IBTK: variants seen among roughly 807,000 people sequenced by gnomAD.
IBTK encodes the protein inhibitor of Bruton tyrosine kinase.
IBTK carries 83 observed loss-of-function variants against 154.9 expected under a neutral mutation model. The ratio of observed to expected loss-of-function variants is 0.54; its 90% CI spans 0.45 to 0.64. The LOEUF (loss-of-function observed/expected upper bound fraction) is 0.64, where lower values mean the gene tolerates loss of function less well. IBTK is among the 30% of genes least tolerant of loss of function. The pLI is 0.00. For missense variants in IBTK, 1,332 were observed against 1,584.6 expected (o/e 0.84, Z 2.71); for synonymous variants, 515 against 536.1 (o/e 0.96, Z 0.54).
At chr6:82,240,118 A>C (rs1286701128) in intron 2 of IBTK, 48 bp downstream of exon 2, 2 of 1,491,184 alleles carry the variant, frequency 1.3e-6, no homozygotes, top group Admixed American at 4.0e-5. Context: ...TGATTAAGAA[A>C]AACATATTCC....
Position 82,171,465 on chromosome 6 carries a change from C to T in IBTK, c.4022G>A (p.Gly1341Glu), listed in dbSNP as rs745641913. The change falls in exon 29 of 29, where the codon GGA becomes GAA. Residue 1341 changes from glycine to glutamate, a missense_variant. Physicochemically the swap from Gly to Glu is moderately conservative, Grantham distance 98. This residue lies in a region of IBTK where 1,134 missense variants were observed against 1,274.7 expected (regional missense o/e 0.89). Coordinates refer to ENST00000306270, the MANE Select transcript of IBTK (RefSeq NM_015525.4). ...EFVIVERTPQ[G>E]PLAVPMWNKH... ...ATTCCACATAGGTACTGCCAGTGGTCCCTGCGGTGTCCTTTCAACAATGAC... is the reference window on the plus strand; with the variant it reads ...ATTCCACATAGGTACTGCCAGTGGTTCCTGCGGTGTCCTTTCAACAATGAC... 1 of 1,613,328 alleles carries T rather than the reference C, an allele frequency of 6.2e-7. No individual in the cohort carries two copies. Among genetic ancestry groups the T allele is most frequent in the South Asian group, 1.1e-5 (1 of 91,036 alleles).
rs113668861 is a variant in IBTK at position 82,195,745 on chromosome 6, A to T, written c.3174+553T>A. ...ATTCAGTTACACATTTTTCTCTAAT[A>T]GGTTAACAGCTATGGAATCAAATGT... On this transcript the variant is annotated intron_variant, in intron 22 of 28. Coordinates refer to ENST00000306270, the MANE Select transcript of IBTK (RefSeq NM_015525.4). Among the ~76,000 whole-genome samples, 833 of 152,300 alleles carry T rather than the reference A, an allele frequency of 5.5e-3. 9 individuals carry two copies. The highest frequency in any genetic ancestry group is 0.019 in the African/African-American group (798 of 41,568).
chr6:82,225,498 G>A lies in IBTK; in HGVS notation c.804C>T (p.Ser268=), dbSNP rs1055383386. 9 of 1,612,674 alleles carry A rather than the reference G, an allele frequency of 5.6e-6. No individual in the cohort carries two copies. The highest frequency in any genetic ancestry group is 6.8e-6 in the Non-Finnish European group (8 of 1,179,382). ...TTACCTGTCTGGGTACATTACAACT[G>A]GAAGGCGGTGGAATAATTCCTAATT... ...FHQLGIIPPP[S]SCNVPRQIQA... The change falls in exon 6 of 29, where the codon TCC becomes TCT. Residue 268 remains serine, a synonymous_variant. Transcript: ENST00000306270.
rs765425757 is a variant in IBTK at position 82,196,323 on chromosome 6, G to C, written c.3149C>G (p.Thr1050Arg). ...CTCAATCTTATCTGAATGAAATCCT[G>C]TTGTGAAATCAGGGGACTGTAAATC... is the stretch of plus-strand genomic sequence containing the variant. ...PRDLQSPDFT[T>R]GFHSDKIEAK... The change falls in exon 22 of 29, where the codon ACA becomes AGA. Residue 1050 changes from threonine to arginine, a missense_variant. Physicochemically the swap from Thr to Arg is moderately conservative, Grantham distance 71. Coordinates refer to ENST00000306270, the MANE Select transcript of IBTK (RefSeq NM_015525.4). 6.2e-7 allele frequency: 1 copy of C among 1,606,428 alleles called. No homozygotes were observed. Among genetic ancestry groups the C allele is most frequent in the Non-Finnish European group, 8.5e-7 (1 of 1,176,822 alleles).
chr6:82,227,507 T>C (rs953790616), intron 4 of IBTK, among the ~76,000 whole-genome samples: 10 of 152,082 alleles, frequency 6.6e-5, no homozygotes, highest in Non-Finnish European at 7.4e-5. Context: ...TCTAAAAACA[T>C]TGACACGAAA....
chr6:82,192,009 G>A, intron 23 of IBTK, 130 bp from the exon 24 acceptor site: 1 of 567,352 alleles, frequency 1.8e-6, no homozygotes, highest in East Asian at 2.9e-5. Context: ...TCAGCTGTGA[G>A]CCAGTTTCAT....
chr6:82,223,581 G>A lies in IBTK; in HGVS notation c.983C>T (p.Ala328Val), dbSNP rs1385234215. The A allele has an allele frequency of 1.2e-6, 2 of 1,613,640 alleles. No homozygotes were observed. The highest frequency in any genetic ancestry group is 1.3e-5 in the African/African-American group (1 of 74,898). Residue 328 changes from alanine to valine, a missense_variant, in exon 8 of 29, where the codon GCT becomes GTT. Physicochemically the swap from Ala to Val is moderately conservative, Grantham distance 64. This residue lies in a region of IBTK where 1,134 missense variants were observed against 1,274.7 expected (regional missense o/e 0.89). Coordinates refer to ENST00000306270, the MANE Select transcript of IBTK (RefSeq NM_015525.4). Reference protein sequence around the residue: ...LDPNGEKCVTAPRQVSALHHK... With the variant: ...LDPNGEKCVTVPRQVSALHHK... Reference sequence around the variant, plus strand: ...GTGAAGGGCAGAGACCTGACGAGGAGCAGTTACACACTTTTCTCCATTGGG... The same window carrying A: ...GTGAAGGGCAGAGACCTGACGAGGAACAGTTACACACTTTTCTCCATTGGG...
chr6:82,181,073 C>A (rs997827773), intron 26 of IBTK, among the ~76,000 whole-genome samples: 3 of 151,798 alleles, frequency 2.0e-5, no homozygotes, highest in Non-Finnish European at 4.4e-5. Context: ...TTTTTAAATA[C>A]ATTGGACTTT....
At chr6:82,219,331 A>G (rs1051346993) in intron 9 of IBTK, among the ~76,000 whole-genome samples, 1 of 152,126 alleles carries the variant, frequency 6.6e-6, no homozygotes, top group African/African-American at 2.4e-5. Flanking sequence ...CATCCCTACA[A>G]TATATGCCTA....
chr6:82,208,176 T>C (rs1010852524), intron 16 of IBTK, among the ~76,000 whole-genome samples: 2 of 151,352 alleles, frequency 1.3e-5, no homozygotes, highest in Non-Finnish European at 2.9e-5. Context: ...ATTAGCTTGA[T>C]TGTGGTAATT....
At chr6:82,245,780 G>A (rs1771120084) in intron 1 of IBTK, among the ~76,000 whole-genome samples, 2 of 151,742 alleles carry the variant, frequency 1.3e-5, no homozygotes, top group Admixed American at 6.6e-5. Context: ...AAAAAAAAAA[G>A]GGCAGGCAAT....
chr6:82,226,028 G>T (rs1582242571), intron 5 of IBTK, among the ~76,000 whole-genome samples: 1 of 152,070 alleles, frequency 6.6e-6, no homozygotes, highest in East Asian at 1.9e-4. Flanking sequence ...CAAACATATA[G>T]TATCATATTC....
At chr6:82,203,482 T>C (rs945707547) in intron 17 of IBTK, among the ~76,000 whole-genome samples, 30 of 152,292 alleles carry the variant, frequency 2.0e-4, no homozygotes, top group African/African-American at 7.0e-4. Context: ...CAGTCAATAA[T>C]GGTCTCTGTC....
At chr6:82,198,550 C>T (rs1213147359) in intron 21 of IBTK, among the ~76,000 whole-genome samples, 2 of 151,966 alleles carry the variant, frequency 1.3e-5, no homozygotes, top group Non-Finnish European at 2.9e-5. Flanking sequence ...TGAAGCATCT[C>T]AGTAAACATA....
At position 82,194,510 on chromosome 6, in the gene IBTK, TG is replaced by T; in HGVS notation, c.3306del (p.Ser1103AlafsTer26). 6.3e-7 allele frequency: 1 copy of T among 1,598,966 alleles called. No individual in the cohort carries two copies. Among genetic ancestry groups the T allele is most frequent in the Non-Finnish European group, 8.5e-7 (1 of 1,172,686 alleles). On this transcript the variant is annotated frameshift_variant, in exon 23 of 29. Coordinates refer to ENST00000306270, the MANE Select transcript of IBTK (RefSeq NM_015525.4). LOFTEE classifies it high-confidence loss of function. ...QPIPSNRIDT[T>X]SSASWVAGSF... Reference sequence around the variant, plus strand: ...GAACCAGCAACCCAACTGGCAGAGCTGGTAGTATCAATTCTGTTACTGGGAA... The same window carrying T: ...GAACCAGCAACCCAACTGGCAGAGCTGTAGTATCAATTCTGTTACTGGGAA...
Position 82,200,694 on chromosome 6 carries a change from A to C in IBTK, c.2805T>G (p.Asp935Glu). Reference protein sequence around the residue: ...EFYRKMIPAMDRRVITPYQDG... With the variant: ...EFYRKMIPAMERRVITPYQDG... ...CTTGATATGGTGTAATGACTCTTCT[A>C]TCCATTGCTGGAATCTGCAGAATTG... The change falls in exon 20 of 29, where the codon GAT becomes GAG. Residue 935 changes from aspartate (D) to glutamate (E), a missense_variant. Around this residue, in one of 3 missense-constraint regions of IBTK, gnomAD observed 1,134 missense variants for 1,274.7 expected, o/e 0.89. Coordinates refer to ENST00000306270, the MANE Select transcript of IBTK (RefSeq NM_015525.4). 6.4e-7 allele frequency: 1 copy of C among 1,573,056 alleles called. No individual in the cohort carries two copies.
At chr6:82,228,463 C>T (rs1023545814) in intron 4 of IBTK, among the ~76,000 whole-genome samples, 19 of 152,230 alleles carry the variant, frequency 1.2e-4, no homozygotes, top group South Asian at 8.3e-4. Context: ...TTTAAATTTA[C>T]AAGTTGTCAG....
At chr6:82,203,093 AT>A (rs1769270143) in intron 17 of IBTK, among the ~76,000 whole-genome samples, 1 of 151,764 alleles carries the variant, frequency 6.6e-6, no homozygotes, top group Admixed American at 6.6e-5. Context: ...TATAAAATAT[AT>A]TGAGTTATCT....
At chr6:82,171,823 T>G (rs1767936740) in intron 28 of IBTK, among the ~76,000 whole-genome samples, 1 of 152,242 alleles carries the variant, frequency 6.6e-6, no homozygotes, top group Admixed American at 6.5e-5. Context: ...TGAAAATGGT[T>G]GCTAAAATTC....
Sources: allele counts gnomAD v4.1 joint callset (sites outside exome capture counted in the v4.1 genomes callset), GRCh38; gene constraint gnomAD v4.1.1; regional missense constraint gnomAD v4.1.1; transcripts MANE v1.5; gene names NCBI Gene and HGNC (gene_info 2026-07-23, HGNC 2026-07-21).